TBCD: variants seen among roughly 807,000 people sequenced by gnomAD.
TBCD encodes the protein tubulin folding cofactor D, also known as tubulin-specific chaperone D.
A neutral mutation model predicts 169.3 loss-of-function variants in TBCD; 105 were observed. That is an observed-to-expected ratio of 0.62 (90% CI 0.53 to 0.73). TBCD has a LOEUF of 0.73. Among genes scored for constraint, TBCD ranks in the 30% least tolerant of loss-of-function variants. The probability of loss-of-function intolerance (pLI) is 0.00; values close to 1 mark genes in which losing one functional copy is unlikely to be tolerated. For synonymous variants in TBCD, 700 were observed against 643.9 expected (o/e 1.09, Z -1.32); for missense variants, 1,444 against 1,600.1 (o/e 0.90, Z 1.66).
In TBCD at chr17:82,880,319, C is replaced by G. The variant is rs1284185029; in HGVS notation, c.1476-3826C>G. Among the ~76,000 whole-genome samples the G allele has an allele frequency of 6.6e-6, 1 of 152,206 alleles. No homozygotes were observed. Among genetic ancestry groups the G allele is most frequent in the African/African-American group, 2.4e-5 (1 of 41,444 alleles). ...TGTAGCCAGGGCCGCTGGTGTGTACCACTGTGTTCGGCACCCGCTGGGCTG... is the reference window on the plus strand; with the variant it reads ...TGTAGCCAGGGCCGCTGGTGTGTACGACTGTGTTCGGCACCCGCTGGGCTG... On this transcript the variant is annotated intron_variant, in intron 14 of 38. Transcript: ENST00000355528. This position sits in a 1 kb window ranked among gnomAD's most constrained non-coding sequence, Gnocchi z 5.0.
intron 37 of TBCD, 94 bp from the exon 38 acceptor site, chr17:82,941,305 G>C (rs1017613592): frequency 1.8e-6 from 2 of 1,106,672 alleles, no homozygotes; most frequent in Admixed American, 2.3e-5. Context: ...TCCTTTCCCT[G>C]ACTGCGGCCA....
rs576337808 is a variant in TBCD, at chr17:82,840,308, A to G, written c.1318+25374A>G. 2.6e-5 allele frequency: 4 copies of G among 152,388 alleles called. 1 individual carries two copies. Among genetic ancestry groups the G allele is most frequent in the African/African-American group, 9.6e-5 (4 of 41,592 alleles). 9.4% of individuals were successfully genotyped at this position (152,388 alleles called of 1,614,324 possible). A position where few individuals can be genotyped will look rare whatever the true frequency, so the allele number is the denominator to read the frequency against. On this transcript the variant is annotated intron_variant, in intron 13 of 38. Transcript: ENST00000355528. ...CCGCAGTTAGAATAGAGATTACTAT[A>G]TTCATCAGAATCACACCCGATGAAT... is the stretch of plus-strand genomic sequence containing the variant.
chr17:82,850,921 A>G (rs1240912745), intron 13 of TBCD, among the ~76,000 whole-genome samples: 7 of 152,266 alleles, frequency 4.6e-5, no homozygotes, highest in African/African-American at 1.2e-4. Context: ...TAGTGGAGAT[A>G]TAGATATGTA....
chr17:82,912,775 C>T (rs2060738974), intron 23 of TBCD, among the ~76,000 whole-genome samples: 2 of 152,368 alleles, frequency 1.3e-5, no homozygotes, highest in East Asian at 1.9e-4. Flanking sequence ...GGGACCTGCC[C>T]GAGGCCTGCA....
At chr17:82,908,313 G>T (rs1241806270) in intron 21 of TBCD, 1 of 456,942 alleles carries the variant, frequency 2.2e-6, no homozygotes, top group Admixed American at 2.3e-5. Flanking sequence ...ATCTGCAGCT[G>T]GGGTCTGATG....
In TBCD at chr17:82,893,527, C is replaced by T. The variant is rs759199342; in HGVS notation, c.1564-20C>T. ...TTCATTCAAATTCTTCTTTTTCCCCCATTTCCACTTTCTTATTAGGGCACT... is the reference window on the plus strand; with the variant it reads ...TTCATTCAAATTCTTCTTTTTCCCCTATTTCCACTTTCTTATTAGGGCACT... On this transcript the variant is annotated intron_variant, in intron 16 of 38. Transcript: ENST00000355528. The T allele has an allele frequency of 6.4e-7, 1 of 1,569,162 alleles. No individual in the cohort carries two copies. Among genetic ancestry groups the T allele is most frequent in the East Asian group, 2.2e-5 (1 of 44,490 alleles).
chr17:82,852,565 T>A (rs1339724031), intron 13 of TBCD, among the ~76,000 whole-genome samples: 1 of 152,176 alleles, frequency 6.6e-6, no homozygotes, highest in East Asian at 1.9e-4. Flanking sequence ...TTGGTGTCCT[T>A]GTTTCCTCTT....
rs75020442 is a variant in TBCD at position 82,932,074 on chromosome 17, C to T, written c.3114-584C>T. The T allele has an allele frequency of 4.3e-4, 70 of 162,018 alleles. No homozygotes were observed. The East Asian group carries it at 7.0e-3, about 16-fold the overall frequency. 10.0% of individuals were successfully genotyped at this position (162,018 alleles called of 1,614,324 possible). On this transcript the variant is annotated intron_variant, in intron 33 of 38. Coordinates refer to ENST00000355528, the MANE Select transcript of TBCD (RefSeq NM_005993.5). ...CCTGCCTGTCCTTTCACGCACCGAG[C>T]GGGGGCCTCACACTTTCCTCACGTC...
chr17:82,858,161 G>A (rs977341397), intron 13 of TBCD, among the ~76,000 whole-genome samples: 2 of 152,070 alleles, frequency 1.3e-5, no homozygotes, highest in African/African-American at 4.8e-5. Flanking sequence ...TGATCCTCCC[G>A]CCTCAGCCTC....
intron 13 of TBCD, among the ~76,000 whole-genome samples, chr17:82,849,946 T>TTGTTGCCTGTGCTGC (rs1567886537): frequency 5.5e-5 from 7 of 126,678 alleles, no homozygotes; most frequent in African/African-American, 9.2e-5. Context: ...GGCTGTGCTG[T>TTGTTGCCTGTGCTGC]TGTTGCCTGT....
intron 14 of TBCD, among the ~76,000 whole-genome samples, chr17:82,881,916 C>G (rs2058379107): frequency 1.3e-5 from 2 of 150,566 alleles, no homozygotes; most frequent in East Asian, 1.9e-4. Flanking sequence ...TCCCCCCTCT[C>G]CCCTCCTCCC....
chr17:82,925,763 A>G (rs1227877502), intron 27 of TBCD, among the ~76,000 whole-genome samples: 6 of 152,272 alleles, frequency 3.9e-5, no homozygotes, highest in African/African-American at 1.2e-4. Context: ...GTGAAACAGG[A>G]TCACTTGGAG....
At position 82,926,798 on chromosome 17, in the gene TBCD, C is replaced by T. The variant is rs58848621; in HGVS notation, c.2471+307C>T. The T allele has an allele frequency of 3.0e-3, 1,579 of 521,362 alleles. 15 individuals carry two copies. Among genetic ancestry groups the T allele is most frequent in the African/African-American group, 0.027 (1,398 of 52,578 alleles). 32.3% of individuals were successfully genotyped at this position (521,362 alleles called of 1,614,324 possible). ...CAGTGTTTGGAATGATCTCTGCACT[C>T]GTTGACAGACACGCACCTGGGGCCA... On this transcript the variant is annotated intron_variant, in intron 28 of 38. Transcript: ENST00000355528.
intron 16 of TBCD, among the ~76,000 whole-genome samples, chr17:82,892,382 G>A (rs897193823): frequency 6.6e-6 from 1 of 152,168 alleles, no homozygotes; most frequent in East Asian, 1.9e-4. Flanking sequence ...CCCTGTTCAC[G>A]GTTCAGTGAA....
intron 35 of TBCD, 41 bp downstream of exon 35, chr17:82,937,401 G>A (rs1338535634): frequency 6.3e-7 from 1 of 1,588,484 alleles, no homozygotes; most frequent in Middle Eastern, 1.7e-4. Flanking sequence ...GAATGGCAGG[G>A]CGCAGCCTCC....
At chr17:82,788,040 C>G (rs1951746259) in intron 7 of TBCD, among the ~76,000 whole-genome samples, 1 of 152,110 alleles carries the variant, frequency 6.6e-6, no homozygotes, top group African/African-American at 2.4e-5. Flanking sequence ...AGTTTGATAC[C>G]AGCCTGGCCA....
At chr17:82,862,039 C>T (rs1286954551) in intron 13 of TBCD, among the ~76,000 whole-genome samples, 1 of 152,098 alleles carries the variant, frequency 6.6e-6, no homozygotes, top group African/African-American at 2.4e-5. Context: ...TCTCCTGCCT[C>T]AGCCTCCTGA....
chr17:82,802,924 C>T (rs148921405), intron 9 of TBCD, among the ~76,000 whole-genome samples: 6 of 152,382 alleles, frequency 3.9e-5, no homozygotes, highest in Admixed American at 2.6e-4. Context: ...CTAGTTCTCT[C>T]GATAATGATG....
chr17:82,834,729 C>T (rs1421707979), intron 13 of TBCD, among the ~76,000 whole-genome samples: 2 of 111,838 alleles, frequency 1.8e-5, no homozygotes, highest in African/African-American at 3.5e-5. Flanking sequence ...GGGTGGGGGT[C>T]GGGGGGAGGG....
Sources: gnomAD v4.1 joint callset for allele counts (sites outside exome capture counted in the v4.1 genomes callset) on GRCh38, gnomAD v4.1.1 for gene constraint, Gnocchi (gnomAD v3.1) non-coding constraint, MANE v1.5 for transcripts, NCBI Gene and HGNC (gene_info 2026-07-23, HGNC 2026-07-21) for gene names.